GABRG3: variants seen among roughly 807,000 people sequenced by gnomAD.
GABRG3 encodes the protein gamma-aminobutyric acid type A receptor subunit gamma3, also known as gamma-aminobutyric acid receptor subunit gamma-3.
A neutral mutation model predicts 48.8 loss-of-function variants in GABRG3; 25 were observed. The observed-to-expected ratio is 0.51, with a 90% CI of 0.37 to 0.72. The LOEUF (loss-of-function observed/expected upper bound fraction) is 0.72. Among genes scored for constraint, GABRG3 ranks in the 30% least tolerant of loss-of-function variants. GABRG3 has a pLI of 0.00. For synonymous variants in GABRG3, 227 were observed against 217.6 expected, an observed-to-expected ratio of 1.04 and a Z score of -0.38; for missense variants, 394 against 577.9, an observed-to-expected ratio of 0.68 and a Z score of 3.26.
chr15:27,238,809 G>A (rs895508103), intron 3 of GABRG3, among the ~76,000 whole-genome samples: 1 of 152,216 alleles, frequency 6.6e-6, no homozygotes, highest in African/African-American at 2.4e-5. Context: ...ACTTACATGA[G>A]TTTAATTTAT....
At chr15:27,308,570 CATAATGTAAACATACAT>C in intron 3 of GABRG3, among the ~76,000 whole-genome samples, 1 of 146,520 alleles carries the variant, frequency 6.8e-6, no homozygotes, top group Admixed American at 7.1e-5. Flanking sequence ...TTTATATAAA[CATAATGTAAACATACAT>C]TTATATATAA....
At chr15:27,356,768 C>T (rs1488049057) in intron 5 of GABRG3, among the ~76,000 whole-genome samples, 10 of 152,134 alleles carry the variant, frequency 6.6e-5, no homozygotes, top group African/African-American at 2.4e-4. Flanking sequence ...AGGCTGCCCA[C>T]TTTGAACATG....
At chr15:27,351,759 GTGT>G (rs1280679252) in intron 5 of GABRG3, among the ~76,000 whole-genome samples, 3 of 149,252 alleles carry the variant, frequency 2.0e-5, no homozygotes, top group African/African-American at 7.5e-5. Flanking sequence ...TGTGTTTATG[GTGT>G]TTGTATAGTG....
intron 3 of GABRG3, among the ~76,000 whole-genome samples, chr15:27,091,603 T>C (rs1897186473): frequency 6.6e-6 from 1 of 152,194 alleles, no homozygotes; most frequent in African/African-American, 2.4e-5. Flanking sequence ...GGCTTTTCTT[T>C]GCTGGAAAGT....
chr15:27,153,304 T>C (rs1898356675), intron 3 of GABRG3, among the ~76,000 whole-genome samples: 1 of 152,224 alleles, frequency 6.6e-6, no homozygotes, highest in Admixed American at 6.5e-5. Context: ...CACTTAGCTC[T>C]TTTTGTGTAG....
At chr15:27,342,344 A>G (rs1175092008) in intron 5 of GABRG3, among the ~76,000 whole-genome samples, 1 of 152,238 alleles carries the variant, frequency 6.6e-6, no homozygotes, top group African/African-American at 2.4e-5. Flanking sequence ...TTGAGCAACC[A>G]TGTGAACTCA....
chr15:27,316,374 C>G (rs1430173698), intron 3 of GABRG3, among the ~76,000 whole-genome samples: 2 of 120,236 alleles, frequency 1.7e-5, no homozygotes, highest in Non-Finnish European at 3.1e-5. Context: ...GGCGACAGAG[C>G]GAGACTCCGT....
At chr15:27,165,320 G>A (rs928589641) in intron 3 of GABRG3, among the ~76,000 whole-genome samples, 1 of 152,054 alleles carries the variant, frequency 6.6e-6, no homozygotes, top group South Asian at 2.1e-4. Flanking sequence ...TTCCACCTCC[G>A]CCCAGGCGCT....
At chr15:26,996,040 GTAGT>G (rs1469513344) in intron 2 of GABRG3, among the ~76,000 whole-genome samples, 2 of 151,930 alleles carry the variant, frequency 1.3e-5, no homozygotes, top group Non-Finnish European at 2.9e-5. Flanking sequence ...TTAGATATAT[GTAGT>G]TAAATATATT....
At chr15:27,156,574 G>C (rs4887560) in intron 3 of GABRG3, among the ~76,000 whole-genome samples, 43,228 of 151,970 alleles carry the variant, frequency 0.28, 6,673 homozygotes, top group Middle Eastern at 0.35. Context: ...TATTATGATT[G>C]TTTTACATGT....
chr15:27,401,194 C>T (rs1481799975), intron 5 of GABRG3, among the ~76,000 whole-genome samples: 1 of 152,112 alleles, frequency 6.6e-6, no homozygotes, highest in Non-Finnish European at 1.5e-5. Flanking sequence ...ATATTGAGCT[C>T]ACTGGTAGAT....
intron 3 of GABRG3, 28 bp downstream of exon 3, chr15:27,026,849 A>G: frequency 6.6e-7 from 1 of 1,515,952 alleles, no homozygotes; most frequent in Middle Eastern, 1.7e-4. Flanking sequence ...TTTCTGATCT[A>G]ACGGCTGTTG....
At chr15:27,003,671 C>A (rs974959802) in intron 2 of GABRG3, among the ~76,000 whole-genome samples, 4 of 152,190 alleles carry the variant, frequency 2.6e-5, no homozygotes, top group African/African-American at 9.7e-5. Flanking sequence ...TTTTCCCCAC[C>A]TTTCCCCCCT....
chr15:27,487,979 G>A (rs911443006), intron 6 of GABRG3, among the ~76,000 whole-genome samples: 2 of 152,122 alleles, frequency 1.3e-5, no homozygotes, highest in Non-Finnish European at 2.9e-5. Flanking sequence ...CATGAAATGC[G>A]AGGGCGAGCC....
chr15:27,162,007 C>T (rs529680607), intron 3 of GABRG3, among the ~76,000 whole-genome samples: 2 of 152,138 alleles, frequency 1.3e-5, no homozygotes, highest in East Asian at 1.9e-4. Flanking sequence ...AATAAACTTA[C>T]ACATACACTA....
At position 27,540,326 on chromosome 15, in the gene GABRG3, G is replaced by A. The variant is rs1258932164; in HGVS notation, c.*7445G>A. 6.6e-6 allele frequency: 1 copy of A among 151,622 alleles called. No individual in the cohort carries two copies. Among genetic ancestry groups the A allele is most frequent in the Non-Finnish European group, 1.5e-5 (1 of 67,972 alleles). 9.4% of individuals were successfully genotyped at this position (151,622 alleles called of 1,614,324 possible). ...TTTTATTCCTTTTCGTAAAGATAAC[G>A]TTTGAATTGTCTAACAACTATCTTT... On this transcript the variant is annotated 3_prime_UTR_variant, in exon 10 of 10. Transcript: ENST00000615808.
At chr15:27,072,872 G>A (rs1347582055) in intron 3 of GABRG3, among the ~76,000 whole-genome samples, 1 of 152,198 alleles carries the variant, frequency 6.6e-6, no homozygotes, top group African/African-American at 2.4e-5. Flanking sequence ...CTGTGGAGTG[G>A]AAAATGTGGA....
At chr15:27,373,384 G>A (rs370229840) in intron 5 of GABRG3, among the ~76,000 whole-genome samples, 4 of 152,256 alleles carry the variant, frequency 2.6e-5, no homozygotes, top group African/African-American at 7.2e-5. Context: ...ATAAAGATAT[G>A]TTAAGGGAAA....
intron 5 of GABRG3, among the ~76,000 whole-genome samples, chr15:27,455,540 T>G (rs572635121): frequency 6.6e-6 from 1 of 151,620 alleles, no homozygotes; most frequent in African/African-American, 2.4e-5. Context: ...GTGTATGCTA[T>G]GTGTGGTTTG....
Sources: allele counts gnomAD v4.1 joint callset (sites outside exome capture counted in the v4.1 genomes callset), GRCh38; gene constraint gnomAD v4.1.1; transcripts MANE v1.5; gene names NCBI Gene and HGNC (gene_info 2026-07-23, HGNC 2026-07-21).